Variants in CTNND2 observed in about 807,000 individuals in gnomAD.
The protein encoded by CTNND2 is catenin delta-2.
Under a neutral mutation model 144.4 loss-of-function variants are expected in CTNND2, and 22 were observed. The ratio of observed to expected loss-of-function variants is 0.15; its 90% CI spans 0.11 to 0.22. The LOEUF is 0.22. CTNND2 is among the 10% of genes least tolerant of loss of function. The probability of loss-of-function intolerance (pLI) is 1.00; values close to 1 mark genes in which losing one functional copy is unlikely to be tolerated. For synonymous variants in CTNND2, 751 were observed against 695.6 expected (o/e 1.08, Z -1.25); for missense variants, 1,353 against 1,618.8 (o/e 0.84, Z 2.82).
At chr5:11,258,356 G>A (rs1029213816) in intron 9 of CTNND2, among the ~76,000 whole-genome samples, 1 of 152,118 alleles carries the variant, frequency 6.6e-6, no homozygotes, top group Admixed American at 6.5e-5. Context: ...CAGCATCATG[G>A]CTTCCATCTG....
chr5:11,876,200 A>C (rs887509882), intron 1 of CTNND2, among the ~76,000 whole-genome samples: 1 of 146,210 alleles, frequency 6.8e-6, no homozygotes, highest in Admixed American at 6.8e-5. Flanking sequence ...AAAAGAGGAG[A>C]GGAGGGAGGA....
chr5:11,071,208 A>ATAAAGCACTAAG (rs1748240639), intron 16 of CTNND2, among the ~76,000 whole-genome samples: 2 of 152,182 alleles, frequency 1.3e-5, no homozygotes, highest in African/African-American at 2.4e-5. Flanking sequence ...AAGAAGCACA[A>ATAAAGCACTAAG]AGGCTCTTGG....
At chr5:11,180,458 A>G (rs1760890076) in intron 11 of CTNND2, among the ~76,000 whole-genome samples, 1 of 152,236 alleles carries the variant, frequency 6.6e-6, no homozygotes, top group Admixed American at 6.5e-5. Flanking sequence ...TAATATTTAA[A>G]GCATTTAAAG....
intron 3 of CTNND2, among the ~76,000 whole-genome samples, chr5:11,472,914 TC>T (rs1280012442): frequency 6.6e-6 from 1 of 152,054 alleles, no homozygotes; most frequent in East Asian, 1.9e-4. Flanking sequence ...GTGTCACCTG[TC>T]TTCAAAAAAT....
chr5:11,558,877 C>T (rs1258440087), intron 3 of CTNND2, among the ~76,000 whole-genome samples: 4 of 152,082 alleles, frequency 2.6e-5, no homozygotes, highest in Admixed American at 2.0e-4. Flanking sequence ...GAATACTTAC[C>T]TTGCAAGTGG....
intron 2 of CTNND2, among the ~76,000 whole-genome samples, chr5:11,707,322 C>T (rs1312876717): frequency 1.3e-5 from 2 of 152,178 alleles, no homozygotes; most frequent in African/African-American, 4.8e-5. Flanking sequence ...CAGAGCCGGT[C>T]TGCCAGTCCC....
chr5:10,988,247 A>G lies in CTNND2; in HGVS notation c.3212-5T>C, dbSNP rs1215645489. On this transcript the variant is annotated splice_polypyrimidine_tract_variant and splice_region_variant and intron_variant, in intron 19 of 21. Transcript: ENST00000304623. The surrounding 1 kb of genome is among the most constrained non-coding windows in gnomAD (Gnocchi z 5.9). ...GAGGTGAAGCTGGGGCACTTGCTACATAAAGAAATCAAAAGGGGGATTTTC... is the reference window on the plus strand; with the variant it reads ...GAGGTGAAGCTGGGGCACTTGCTACGTAAAGAAATCAAAAGGGGGATTTTC... 4 of 1,614,050 alleles carry G rather than the reference A, an allele frequency of 2.5e-6. No individual in the cohort carries two copies. Among genetic ancestry groups the G allele is most frequent in the Non-Finnish European group, 3.4e-6 (4 of 1,179,996 alleles).
intron 11 of CTNND2, among the ~76,000 whole-genome samples, chr5:11,182,030 T>G: frequency 7.9e-6 from 1 of 125,842 alleles, no homozygotes. Flanking sequence ...GTGTGTGATG[T>G]ATGTGTGGTG....
chr5:11,026,458 A>G (rs552099503), intron 16 of CTNND2, among the ~76,000 whole-genome samples: 1 of 148,112 alleles, frequency 6.8e-6, no homozygotes, highest in South Asian at 2.1e-4. Context: ...CCTGGGTTCA[A>G]GCGATTCTTC....
At chr5:11,014,737 A>G (rs1415235357) in intron 18 of CTNND2, among the ~76,000 whole-genome samples, 1 of 152,238 alleles carries the variant, frequency 6.6e-6, no homozygotes, top group African/African-American at 2.4e-5. Flanking sequence ...TGAGCTAATG[A>G]AATGACATTC....
intron 12 of CTNND2, among the ~76,000 whole-genome samples, chr5:11,141,578 C>G (rs1756725547): frequency 6.6e-6 from 1 of 152,082 alleles, no homozygotes; most frequent in South Asian, 2.1e-4. Context: ...TTTGGATATG[C>G]AAGAAGGCCA....
intron 3 of CTNND2, among the ~76,000 whole-genome samples, chr5:11,445,727 C>T (rs1302929689): frequency 2.0e-5 from 3 of 152,174 alleles, no homozygotes; most frequent in Admixed American, 6.5e-5. Flanking sequence ...AATCATATAG[C>T]GGGGCTGGTG....
At chr5:11,891,983 A>T (rs1054168007) in intron 1 of CTNND2, among the ~76,000 whole-genome samples, 2 of 152,248 alleles carry the variant, frequency 1.3e-5, no homozygotes, top group Non-Finnish European at 1.5e-5. Flanking sequence ...TCAGTGCTAC[A>T]GCACAGTCTG....
At chr5:11,598,324 C>A (rs2126312155) in intron 2 of CTNND2, among the ~76,000 whole-genome samples, 1 of 152,180 alleles carries the variant, frequency 6.6e-6, no homozygotes, top group African/African-American at 2.4e-5. Context: ...ACACCACAAC[C>A]AAGGGGGATA....
At chr5:11,061,669 C>G (rs1450294817) in intron 16 of CTNND2, among the ~76,000 whole-genome samples, 1 of 152,112 alleles carries the variant, frequency 6.6e-6, no homozygotes, top group African/African-American at 2.4e-5. Context: ...AACCCTTACC[C>G]TATTTTACTC....
At chr5:11,191,881 C>A (rs926985057) in intron 11 of CTNND2, among the ~76,000 whole-genome samples, 2 of 152,198 alleles carry the variant, frequency 1.3e-5, no homozygotes, top group African/African-American at 4.8e-5. Context: ...TCTGGCTTCC[C>A]CTGCTTCACA....
At chr5:11,723,852 C>G (rs1368067685) in intron 2 of CTNND2, among the ~76,000 whole-genome samples, 1 of 151,922 alleles carries the variant, frequency 6.6e-6, no homozygotes, top group Admixed American at 6.6e-5. Flanking sequence ...GTCAGGAGAT[C>G]GAGACATTCC....
intron 11 of CTNND2, among the ~76,000 whole-genome samples, chr5:11,182,154 T>G (rs1176279460): frequency 2.3e-5 from 3 of 129,960 alleles, no homozygotes; most frequent in Non-Finnish European, 4.9e-5. Context: ...GTGGATGGGG[T>G]GTGTGTGTGG....
chr5:11,250,519 A>ATT (rs67476400), intron 9 of CTNND2, among the ~76,000 whole-genome samples: 2 of 83,240 alleles, frequency 2.4e-5, no homozygotes, highest in Non-Finnish European at 4.2e-5. Context: ...ATATACATAT[A>ATT]TTTTTTTTTT....
Sources: allele counts gnomAD v4.1 joint callset (sites outside exome capture counted in the v4.1 genomes callset), GRCh38; gene constraint gnomAD v4.1.1; non-coding constraint Gnocchi (gnomAD v3.1); transcripts MANE v1.5; gene names NCBI Gene and HGNC (gene_info 2026-07-23, HGNC 2026-07-21).